C1orf159: variants seen among roughly 807,000 people sequenced by gnomAD.
C1orf159 encodes the protein uncharacterized protein C1orf159.
In C1orf159, 19 loss-of-function variants were observed where a neutral mutation model predicts 25.6. The ratio of observed to expected loss-of-function variants is 0.74; its 90% CI spans 0.52 to 1.09. C1orf159 has a LOEUF of 1.09. C1orf159 is among the 50% of genes least tolerant of loss of function. The pLI is 0.00. For missense variants in C1orf159, 274 were observed against 290.6 expected (o/e 0.94, Z 0.42); for synonymous variants, 139 against 124.7 (o/e 1.12, Z -0.77).
rs945685825 is a variant in C1orf159 at position 1,089,025 on chromosome 1, G to A, written c.148+1328C>T. Reference sequence around the variant, plus strand: ...GTCTCTGCCCCGGAGGCCGAAGAACGGAGTCCACGGCAGGGAGCCAAACAC... The same window carrying A: ...GTCTCTGCCCCGGAGGCCGAAGAACAGAGTCCACGGCAGGGAGCCAAACAC... On this transcript the variant is annotated intron_variant, in intron 4 of 9. Transcript: ENST00000421241. This position sits in a 1 kb window ranked among gnomAD's most constrained non-coding sequence, Gnocchi z 7.5. Among the ~76,000 whole-genome samples, 5 of 152,226 alleles carry A rather than the reference G, an allele frequency of 3.3e-5. No homozygotes were observed. The highest frequency in any genetic ancestry group is 7.4e-5 in the Non-Finnish European group (5 of 68,018).
chr1:1,095,225 CATT>C (rs1463046597), intron 1 of C1orf159, among the ~76,000 whole-genome samples: 1 of 152,176 alleles, frequency 6.6e-6, no homozygotes, highest in Non-Finnish European at 1.5e-5. Context: ...ATTTTAGACT[CATT>C]GTGTCAATTC....
intron 4 of C1orf159, among the ~76,000 whole-genome samples, chr1:1,088,408 C>T (rs12132100): frequency 0.15 from 20,414 of 134,948 alleles, 1,739 homozygotes; most frequent in African/African-American, 0.19. Flanking sequence ...TCCCTCATGC[C>T]GCCCAAGCAG....
chr1:1,085,753 C>T (rs553861956), intron 7 of C1orf159, 125 bp downstream of exon 7: 59 of 1,268,088 alleles, frequency 4.7e-5, no homozygotes, highest in Non-Finnish European at 6.3e-5. Context: ...AGGACAGGCC[C>T]TGCTCCCTCC....
At chr1:1,091,192 C>T (rs148342202) in intron 3 of C1orf159, 8 of 615,794 alleles carry the variant, frequency 1.3e-5, no homozygotes, top group Middle Eastern at 4.2e-4. Context: ...GTGCTGTCAC[C>T]GCTGGCAGAG....
chr1:1,084,735 G>A (rs578177616), intron 7 of C1orf159, among the ~76,000 whole-genome samples: 13 of 152,200 alleles, frequency 8.5e-5, no homozygotes, highest in African/African-American at 2.6e-4. Flanking sequence ...TCACAGGTGC[G>A]GGGGCCTCCC....
intron 9 of C1orf159, chr1:1,083,998 G>C (rs562111357): frequency 6.2e-7 from 1 of 1,605,400 alleles, no homozygotes; most frequent in South Asian, 1.1e-5. Context: ...GGCTGCGTCT[G>C]TCCTCGGGTG....
At position 1,091,994 on chromosome 1, in the gene C1orf159, C is replaced by T; in HGVS notation, c.-26G>A. The T allele has an allele frequency of 2.2e-6, 1 of 458,246 alleles. No homozygotes were observed. Among genetic ancestry groups the T allele is most frequent in the South Asian group, 1.5e-5 (1 of 64,540 alleles). The allele number at this position is 458,246 out of a possible 1,614,324, so 28.4% of individuals were successfully genotyped here. A position where few individuals can be genotyped will look rare whatever the true frequency, so the allele number is the denominator to read the frequency against. On this transcript the variant is annotated 5_prime_UTR_variant, in exon 2 of 10. Coordinates refer to ENST00000421241, the MANE Select transcript of C1orf159 (RefSeq NM_017891.5). ...CGAGGTGTAGGCAGGGCCTTACCTG[C>T]CCCTCCAGGATGGGGACTACCGACA...
chr1:1,110,884 C>G lies in C1orf159; in HGVS notation c.-136+5176G>C, dbSNP rs1646248397. Among the ~76,000 whole-genome samples, 1 of 152,234 alleles carries G rather than the reference C, an allele frequency of 6.6e-6. No homozygotes were observed. Among genetic ancestry groups the G allele is most frequent in the African/African-American group, 2.4e-5 (1 of 41,462 alleles). On this transcript the variant is annotated intron_variant, in intron 1 of 9. Transcript: ENST00000421241. The surrounding 1 kb of genome is among the most constrained non-coding windows in gnomAD (Gnocchi z 4.8). ...CGCAAAACCGCCCGCACGTGTGACTCCTAACACTCAGAGTGTCGGTAAAAT... is the reference window on the plus strand; with the variant it reads ...CGCAAAACCGCCCGCACGTGTGACTGCTAACACTCAGAGTGTCGGTAAAAT...
intron 1 of C1orf159, among the ~76,000 whole-genome samples, chr1:1,113,380 C>A (rs915084092): frequency 6.6e-6 from 1 of 152,216 alleles, no homozygotes; most frequent in African/African-American, 2.4e-5. Flanking sequence ...CCTCGGCACA[C>A]GCAACCCTCA....
At chr1:1,090,153 G>C (rs986770121) in intron 4 of C1orf159, among the ~76,000 whole-genome samples, 200 bp downstream of exon 4, 5 of 152,192 alleles carry the variant, frequency 3.3e-5, no homozygotes, top group African/African-American at 1.2e-4. Context: ...CTTCTCATGA[G>C]GCTGCCGCTC....
chr1:1,087,463 G>T lies in C1orf159; in HGVS notation c.244+39C>A. ...TCCCACAGTGTCTCCCACAGCTGGAGCTGTGAGAAGGGAGCCGGGGGGAGC... is the reference window on the plus strand; with the variant it reads ...TCCCACAGTGTCTCCCACAGCTGGATCTGTGAGAAGGGAGCCGGGGGGAGC... On this transcript the variant is annotated intron_variant, in intron 5 of 9. Transcript: ENST00000421241. This position sits in a 1 kb window ranked among gnomAD's most constrained non-coding sequence, Gnocchi z 8.3. 1 of 1,505,850 alleles carries T rather than the reference G, an allele frequency of 6.6e-7. No individual in the cohort carries two copies. The highest frequency in any genetic ancestry group is 2.5e-5 in the East Asian group (1 of 40,430). The allele number at this position is 1,505,850 out of a possible 1,614,324, so 93.3% of individuals were successfully genotyped here. A position where few individuals can be genotyped will look rare whatever the true frequency, so the allele number is the denominator to read the frequency against.
intron 1 of C1orf159, among the ~76,000 whole-genome samples, chr1:1,102,090 A>AC (rs1646109464): frequency 1.3e-5 from 2 of 150,816 alleles, no homozygotes; most frequent in African/African-American, 2.4e-5. Flanking sequence ...AAAAAAAAAA[A>AC]AAAAAACAAA....
intron 1 of C1orf159, among the ~76,000 whole-genome samples, chr1:1,095,612 T>G (rs1220399976): frequency 6.6e-6 from 1 of 152,240 alleles, no homozygotes; most frequent in Non-Finnish European, 1.5e-5. Context: ...CATCTACAAA[T>G]AAATACAGTT....
chr1:1,090,861 G>A (rs1050650571), intron 3 of C1orf159: 2 of 1,545,158 alleles, frequency 1.3e-6, no homozygotes, highest in East Asian at 2.4e-5. Context: ...AGGTGCGCTG[G>A]GTGCTGGCAC....
chr1:1,090,026 G>A (rs1182755609), intron 4 of C1orf159, among the ~76,000 whole-genome samples: 1 of 152,178 alleles, frequency 6.6e-6, no homozygotes, highest in Non-Finnish European at 1.5e-5. Flanking sequence ...GAGGCCCCTG[G>A]AGCCAGGACA....
intron 1 of C1orf159, among the ~76,000 whole-genome samples, chr1:1,109,389 G>A (rs1228133607): frequency 6.6e-6 from 1 of 152,194 alleles, no homozygotes; most frequent in Non-Finnish European, 1.5e-5. Context: ...GAGGAATGGG[G>A]AGTTAGTGTT....
Position 1,087,100 on chromosome 1 carries a change from G to A in C1orf159, c.310+39C>T. 6.3e-7 allele frequency: 1 copy of A among 1,588,484 alleles called. No individual in the cohort carries two copies. The highest frequency in any genetic ancestry group is 8.6e-7 in the Non-Finnish European group (1 of 1,167,878). ...TGGCTCCGACGGCCCCCAGCCCCCAGGACACCGGCAGAGGTGGCTGTGGCC... is the reference window on the plus strand; with the variant it reads ...TGGCTCCGACGGCCCCCAGCCCCCAAGACACCGGCAGAGGTGGCTGTGGCC... On this transcript the variant is annotated intron_variant, in intron 6 of 9. Coordinates refer to ENST00000421241, the MANE Select transcript of C1orf159 (RefSeq NM_017891.5). The surrounding 1 kb of genome is among the most constrained non-coding windows in gnomAD (Gnocchi z 8.3).
At position 1,087,540 on chromosome 1, in the gene C1orf159, C is replaced by T. The variant is rs1645851171; in HGVS notation, c.206G>A (p.Gly69Glu). 5.8e-6 allele frequency: 9 copies of T among 1,549,670 alleles called. No homozygotes were observed. Among genetic ancestry groups the T allele is most frequent in the Non-Finnish European group, 6.1e-6 (7 of 1,146,694 alleles). The change falls in exon 5 of 10, where the codon GGA (glycine) becomes GAA (glutamate). Residue 69 changes from glycine to glutamate, a missense_variant. Transcript: ENST00000421241. This position sits in a 1 kb window ranked among gnomAD's most constrained non-coding sequence, Gnocchi z 8.3. ...GSASCVRCGN[G>E]TLPAYNGSEC... ...GGAGCCGTTGTAGGCTGGGAGGGTT[C>T]CGTTCCCACAGCGGACGCAGCTGGC... is the stretch of plus-strand genomic sequence containing the variant.
At chr1:1,115,248 C>T (rs944354706) in intron 1 of C1orf159, among the ~76,000 whole-genome samples, 3 of 149,888 alleles carry the variant, frequency 2.0e-5, no homozygotes, top group Admixed American at 2.0e-4. Context: ...CACCCAAACT[C>T]AATCATCGAC....
Sources: allele counts gnomAD v4.1 joint callset (sites outside exome capture counted in the v4.1 genomes callset), GRCh38; gene constraint gnomAD v4.1.1; non-coding constraint Gnocchi (gnomAD v3.1); transcripts MANE v1.5; gene names NCBI Gene and HGNC (gene_info 2026-07-23, HGNC 2026-07-21).